The following CACNG3 variants were observed in gnomAD, a reference collection of about 807,000 sequenced individuals.
CACNG3 encodes calcium voltage-gated channel auxiliary subunit gamma 3, also known as voltage-dependent calcium channel gamma-3 subunit.
A neutral mutation model predicts 28.5 loss-of-function variants in CACNG3; 3 were observed. That is an observed-to-expected ratio of 0.11 (90% confidence interval 0.05 to 0.27). The LOEUF (loss-of-function observed/expected upper bound fraction) is 0.27, where lower values mean the gene tolerates loss of function less well. Among genes scored for constraint, CACNG3 ranks in the 10% least tolerant of loss-of-function variants. CACNG3 has a pLI of 1.00. For synonymous variants in CACNG3, 174 were observed against 162.2 expected (o/e 1.07, Z -0.55); for missense variants, 236 against 414.4 (o/e 0.57, Z 3.74).
At chr16:24,293,264 T>C (rs1898988507) in intron 1 of CACNG3, among the ~76,000 whole-genome samples, 1 of 152,190 alleles carries the variant, frequency 6.6e-6, no homozygotes, top group South Asian at 2.1e-4. Flanking sequence ...AATCATGCCC[T>C]TTGCTGGGGA....
chr16:24,306,743 G>C (rs976633762), intron 1 of CACNG3, among the ~76,000 whole-genome samples: 1 of 152,034 alleles, frequency 6.6e-6, no homozygotes, highest in African/African-American at 2.4e-5. Flanking sequence ...TGCCATGCTA[G>C]AGATTCACTT....
chr16:24,334,001 G>A (rs1468050464), intron 1 of CACNG3, among the ~76,000 whole-genome samples: 1 of 152,142 alleles, frequency 6.6e-6, no homozygotes, highest in Non-Finnish European at 1.5e-5. Context: ...AATCACTGTT[G>A]TAAGGCATCT....
chr16:24,256,984 C>T lies in CACNG3; in HGVS notation c.211+19C>T. The T allele has an allele frequency of 6.9e-7, 1 of 1,454,304 alleles. No homozygotes were observed. 90.1% of individuals were successfully genotyped at this position (1,454,304 alleles called of 1,614,324 possible). On this transcript the variant is annotated intron_variant, in intron 1 of 3. Transcript: ENST00000005284. This position sits in a 1 kb window ranked among gnomAD's most constrained non-coding sequence, Gnocchi z 4.6. ...CTAGAAGGTATTTACAATTTCCTCT[C>T]AATAGCTCTGAATAATCCAGTTCTG...
chr16:24,351,310 C>T (rs117355936), intron 2 of CACNG3, among the ~76,000 whole-genome samples: 2,722 of 152,114 alleles, frequency 0.018, 42 homozygotes, highest in Middle Eastern at 0.031. Flanking sequence ...GTGGCTCATG[C>T]CTGTAACCCC....
At chr16:24,356,717 A>T (rs747998536) in intron 3 of CACNG3, among the ~76,000 whole-genome samples, 2 of 152,154 alleles carry the variant, frequency 1.3e-5, no homozygotes, top group African/African-American at 4.8e-5. Flanking sequence ...AGTCGTAATC[A>T]TAATGATAAT....
At chr16:24,323,915 A>C (rs1474990024) in intron 1 of CACNG3, among the ~76,000 whole-genome samples, 1 of 152,090 alleles carries the variant, frequency 6.6e-6, no homozygotes, top group Non-Finnish European at 1.5e-5. Flanking sequence ...TTACAGGTGC[A>C]CACCACCACA....
chr16:24,303,791 T>A (rs1300433497), intron 1 of CACNG3, among the ~76,000 whole-genome samples: 1 of 152,058 alleles, frequency 6.6e-6, no homozygotes, highest in Non-Finnish European at 1.5e-5. Context: ...TGGTGGTATG[T>A]GCCTGTGGTC....
intron 1 of CACNG3, among the ~76,000 whole-genome samples, chr16:24,276,616 C>T (rs1898756370): frequency 6.6e-6 from 1 of 152,204 alleles, no homozygotes; most frequent in South Asian, 2.1e-4. Context: ...TTTGACTTCT[C>T]TTTAGTTGCA....
At chr16:24,294,384 T>A (rs1899003095) in intron 1 of CACNG3, among the ~76,000 whole-genome samples, 1 of 152,226 alleles carries the variant, frequency 6.6e-6, no homozygotes, top group Non-Finnish European at 1.5e-5. Context: ...TCATTAATGC[T>A]GCCCATGGGC....
chr16:24,264,574 G>A (rs1224238330), intron 1 of CACNG3, among the ~76,000 whole-genome samples: 1 of 152,220 alleles, frequency 6.6e-6, no homozygotes, highest in Non-Finnish European at 1.5e-5. Flanking sequence ...AGCCAGAGAA[G>A]CAGTGACAGC....
chr16:24,302,448 A>AT (rs1033949126), intron 1 of CACNG3, among the ~76,000 whole-genome samples: 19 of 151,158 alleles, frequency 1.3e-4, no homozygotes, highest in East Asian at 5.8e-4. Flanking sequence ...CCAGGTATTG[A>AT]TTTTTTTTTA....
At chr16:24,312,951 G>GAAAC (rs1567216094) in intron 1 of CACNG3, among the ~76,000 whole-genome samples, 3 of 98,980 alleles carry the variant, frequency 3.0e-5, no homozygotes, top group Non-Finnish European at 6.5e-5. Flanking sequence ...AAGAAAGAAA[G>GAAAC]AAAGAGAAAG....
At chr16:24,258,196 A>G (rs1041804510) in intron 1 of CACNG3, among the ~76,000 whole-genome samples, 4 of 152,224 alleles carry the variant, frequency 2.6e-5, no homozygotes, top group Admixed American at 6.5e-5. Context: ...TTGGGAAATC[A>G]TGCTATGACA....
chr16:24,286,413 C>A (rs982407856), intron 1 of CACNG3, among the ~76,000 whole-genome samples: 1 of 136,782 alleles, frequency 7.3e-6, no homozygotes, highest in Non-Finnish European at 1.7e-5. Context: ...GAAGGACACA[C>A]ACACACACAC....
intron 1 of CACNG3, among the ~76,000 whole-genome samples, chr16:24,334,500 A>C (rs1899674408): frequency 1.3e-5 from 2 of 152,122 alleles, no homozygotes; most frequent in African/African-American, 2.4e-5. Flanking sequence ...TGCAGAGGAG[A>C]TGGATGTGAG....
chr16:24,269,077 G>T (rs975230925), intron 1 of CACNG3, among the ~76,000 whole-genome samples: 3 of 152,260 alleles, frequency 2.0e-5, no homozygotes, highest in Admixed American at 1.3e-4. Flanking sequence ...GAATGGGTCA[G>T]GAATGGGCAG....
intron 1 of CACNG3, among the ~76,000 whole-genome samples, chr16:24,301,899 C>T (rs1318560599): frequency 1.3e-5 from 2 of 152,114 alleles, no homozygotes; most frequent in African/African-American, 4.8e-5. Context: ...GCTGTATTTC[C>T]TTTCTGCTTT....
In CACNG3 at chr16:24,300,620, CAA is replaced by C. The variant is rs111715020; in HGVS notation, c.211+43669_211+43670del. Among the ~76,000 whole-genome samples the C allele has an allele frequency of 7.9e-3, 860 of 109,482 alleles. 12 individuals carry two copies. The highest frequency in any genetic ancestry group is 0.023 in the African/African-American group (743 of 31,884). The allele number at this position is 109,482 out of a possible 152,430, so 71.8% of individuals were successfully genotyped here. On this transcript the variant is annotated intron_variant, in intron 1 of 3. Transcript: ENST00000005284. ...TTGTTAATTAAAAAACAAAACAAGACAAAAAAAAAAAAAAACCATAGACTGAG... is the reference window on the plus strand; with the variant it reads ...TTGTTAATTAAAAAACAAAACAAGACAAAAAAAAAAAAACCATAGACTGAG...
intron 1 of CACNG3, among the ~76,000 whole-genome samples, chr16:24,291,126 T>C (rs62029009): frequency 0.18 from 28,053 of 152,156 alleles, 2,700 homozygotes; most frequent in South Asian, 0.33. Context: ...ACCTCCCTCA[T>C]AGGGTTCTTA....
Sources: allele counts gnomAD v4.1 joint callset (sites outside exome capture counted in the v4.1 genomes callset), GRCh38; gene constraint gnomAD v4.1.1; non-coding constraint Gnocchi (gnomAD v3.1); transcripts MANE v1.5; gene names NCBI Gene and HGNC (gene_info 2026-07-23, HGNC 2026-07-21).